Variants in DNAH11 observed in about 807,000 individuals in gnomAD.
The protein encoded by DNAH11 is axonemal beta dynein heavy chain 11.
A neutral mutation model predicts 526.0 loss-of-function variants in DNAH11; 442 were observed. That is an observed-to-expected ratio of 0.84 (90% CI 0.78 to 0.91). The LOEUF (loss-of-function observed/expected upper bound fraction) is 0.91. DNAH11 is among the 40% of genes least tolerant of loss of function. The pLI is 0.00. For missense variants in DNAH11, 6,989 were observed against 5,448.7 expected, an observed-to-expected ratio of 1.28 and a Z score of -8.90; for synonymous variants, 2,461 against 1,935.9, an observed-to-expected ratio of 1.27 and a Z score of -7.12.
rs370565524 is a variant in DNAH11 at position 21,901,009 on chromosome 7, G to A, written c.13306G>A (p.Ala4436Thr). 9.5e-6 allele frequency: 15 copies of A among 1,586,438 alleles called. No homozygotes were observed. Among genetic ancestry groups the A allele is most frequent in the African/African-American group, 4.1e-5 (3 of 73,870 alleles). ...CAACCGCTGTGTTTTTGCCATAGGCGCCCGCTGGGACACCCAAGCAGGAAC... is the reference window on the plus strand; with the variant it reads ...CAACCGCTGTGTTTTTGCCATAGGCACCCGCTGGGACACCCAAGCAGGAAC... ...AYLHGLFMEG[A>T]RWDTQAGTIV... The change falls in exon 82 of 82, where the codon GCC (alanine) becomes ACC (threonine). Residue 4436 changes from alanine (A) to threonine (T), a missense_variant and splice_region_variant. Coordinates refer to ENST00000409508, the MANE Select transcript of DNAH11 (RefSeq NM_001277115.2).
intron 30 of DNAH11, among the ~76,000 whole-genome samples, chr7:21,680,503 A>G (rs1213462119): frequency 6.6e-6 from 1 of 152,346 alleles, no homozygotes; most frequent in East Asian, 1.9e-4. Context: ...ACAATTCACC[A>G]TAAGAAATAT....
At chr7:21,830,751 CA>C (rs1790517409) in intron 65 of DNAH11, among the ~76,000 whole-genome samples, 1 of 151,968 alleles carries the variant, frequency 6.6e-6, no homozygotes, top group South Asian at 2.1e-4. Flanking sequence ...CTAGATGAAA[CA>C]GCATGTTTTT....
intron 48 of DNAH11, among the ~76,000 whole-genome samples, chr7:21,740,045 AC>A (rs1334427345): frequency 2.3e-4 from 35 of 152,256 alleles, no homozygotes; most frequent in Non-Finnish European, 5.9e-5. Context: ...TTTGTATTAT[AC>A]GTTCCAGGGG....
chr7:21,805,095 A>G (rs1196415525), intron 62 of DNAH11, among the ~76,000 whole-genome samples: 4 of 152,044 alleles, frequency 2.6e-5, no homozygotes, highest in African/African-American at 4.8e-5. Flanking sequence ...GAAAGTTCTC[A>G]TTATCAGTTG....
intron 24 of DNAH11, 91 bp from the exon 25 acceptor site, chr7:21,619,865 T>G (rs1408169697): frequency 7.7e-7 from 1 of 1,302,096 alleles, no homozygotes; most frequent in East Asian, 2.5e-5. Flanking sequence ...TTTGCATTTT[T>G]GAAAGTTGAA....
At chr7:21,564,687 G>T (rs1365206814) in intron 6 of DNAH11, among the ~76,000 whole-genome samples, 1 of 152,164 alleles carries the variant, frequency 6.6e-6, no homozygotes, top group East Asian at 1.9e-4. Context: ...ACAGACATGT[G>T]TAGTACCTTC....
chr7:21,896,957 C>T (rs1047484166), intron 79 of DNAH11, among the ~76,000 whole-genome samples: 4 of 151,924 alleles, frequency 2.6e-5, no homozygotes, highest in African/African-American at 9.7e-5. Context: ...CGACTGTAGT[C>T]CTAGCTACTC....
chr7:21,584,684 C>G (rs1257445726), intron 9 of DNAH11, among the ~76,000 whole-genome samples: 5 of 152,098 alleles, frequency 3.3e-5, no homozygotes, highest in African/African-American at 1.2e-4. Flanking sequence ...ATAAAATGAC[C>G]TGTAATCTCA....
intron 62 of DNAH11, among the ~76,000 whole-genome samples, chr7:21,804,218 C>T (rs917069986): frequency 2.6e-5 from 4 of 152,160 alleles, no homozygotes; most frequent in Non-Finnish European, 5.9e-5. Flanking sequence ...ACGCCATTCT[C>T]CTGCCTCAGC....
intron 66 of DNAH11, among the ~76,000 whole-genome samples, 179 bp from the exon 67 acceptor site, chr7:21,852,288 T>G (rs1387266748): frequency 6.6e-6 from 1 of 151,380 alleles, no homozygotes; most frequent in Non-Finnish European, 1.5e-5. Context: ...GCACCTGTAA[T>G]CTCAGCTACT....
chr7:21,890,625 A>C (rs1365208093), intron 76 of DNAH11, among the ~76,000 whole-genome samples: 3 of 152,176 alleles, frequency 2.0e-5, no homozygotes, highest in Non-Finnish European at 4.4e-5. Context: ...TGGTTTTCTT[A>C]TTCATATTTT....
In DNAH11 at chr7:21,765,648, ACACACACACACT is replaced by A. The variant is rs1787149172; in HGVS notation, c.9102+61_9102+72del. 8 of 1,240,008 alleles carry A rather than the reference ACACACACACACT, an allele frequency of 6.5e-6. No individual in the cohort carries two copies. In the East Asian group the frequency reaches 1.3e-4, roughly 21 times the overall value. The allele number at this position is 1,240,008 out of a possible 1,614,324, so 76.8% of individuals were successfully genotyped here. ...CACACACACACACACACACACACAC[ACACACACACACT>A]CTGAAAATCCTCAGTAGGTAAGTGC... is the stretch of plus-strand genomic sequence containing the variant. On this transcript the variant is annotated intron_variant, in intron 55 of 81. Coordinates refer to ENST00000409508, the MANE Select transcript of DNAH11 (RefSeq NM_001277115.2).
At chr7:21,573,519 T>C (rs1206502502) in intron 8 of DNAH11, among the ~76,000 whole-genome samples, 1 of 152,176 alleles carries the variant, frequency 6.6e-6, no homozygotes, top group Non-Finnish European at 1.5e-5. Flanking sequence ...TTTAAAAAAA[T>C]GTGTTTTGCC....
intron 55 of DNAH11, among the ~76,000 whole-genome samples, chr7:21,771,560 C>T (rs1450034714): frequency 6.6e-6 from 1 of 152,146 alleles, no homozygotes; most frequent in East Asian, 1.9e-4. Flanking sequence ...TTCATCTTTG[C>T]ATTTGATTAT....
intron 6 of DNAH11, 88 bp downstream of exon 6, chr7:21,564,485 T>A: frequency 1.2e-6 from 1 of 847,112 alleles, no homozygotes; most frequent in African/African-American, 1.7e-5. Flanking sequence ...TAGTATACAG[T>A]AAGAACACCA....
In DNAH11 at chr7:21,866,606, T is replaced by C; in HGVS notation, c.11633T>C (p.Ile3878Thr). 2 of 1,613,902 alleles carry C rather than the reference T, an allele frequency of 1.2e-6. No homozygotes were observed. Among genetic ancestry groups the C allele is most frequent in the Non-Finnish European group, 1.7e-6 (2 of 1,179,842 alleles). ...LPQEWKKKSL[I>T]QKLILLRAMR... ...CAAGAATGGAAGAAGAAAAGTTTAA[T>C]ACAGAAGCTGATTCTTCTGAGAGCA... The change falls in exon 71 of 82, where the codon ATA becomes ACA. Residue 3878 changes from isoleucine to threonine, a missense_variant. Coordinates refer to ENST00000409508, the MANE Select transcript of DNAH11 (RefSeq NM_001277115.2).
chr7:21,681,970 CTG>C (rs1208680639), intron 31 of DNAH11, among the ~76,000 whole-genome samples: 1 of 152,150 alleles, frequency 6.6e-6, no homozygotes, highest in African/African-American at 2.4e-5. Flanking sequence ...GTTCATCTCT[CTG>C]TGTGTGACCG....
chr7:21,848,954 C>T (rs762325144), intron 66 of DNAH11, among the ~76,000 whole-genome samples: 11 of 152,280 alleles, frequency 7.2e-5, no homozygotes, highest in East Asian at 3.9e-4. Context: ...GGCACAATCT[C>T]GGCTCACTGC....
chr7:21,707,919 T>A (rs1648603672), intron 40 of DNAH11, 84 bp downstream of exon 40: 3 of 1,404,118 alleles, frequency 2.1e-6, no homozygotes, highest in African/African-American at 2.9e-5. Context: ...TTAGTCATAG[T>A]CGCAGACTTA....
Sources: gnomAD v4.1 joint callset for allele counts (sites outside exome capture counted in the v4.1 genomes callset) on GRCh38, gnomAD v4.1.1 for gene constraint, MANE v1.5 for transcripts, NCBI Gene and HGNC (gene_info 2026-07-23, HGNC 2026-07-21) for gene names.